The following KRR1 variants were observed in gnomAD, a reference collection of about 807,000 sequenced individuals.
KRR1 encodes the protein KRR1 small subunit processome component, also known as KRR1 small subunit processome component homolog.
Under a neutral mutation model 50.0 loss-of-function variants are expected in KRR1, and 23 were observed. The observed-to-expected ratio is 0.46, with a 90% CI of 0.33 to 0.65. The LOEUF is 0.65. Among genes scored for constraint, KRR1 ranks in the 30% least tolerant of loss-of-function variants. KRR1 has a pLI of 0.02. For synonymous variants in KRR1, 133 were observed against 146.3 expected (o/e 0.91, Z 0.66); for missense variants, 419 against 442.4 (o/e 0.95, Z 0.47).
At chr12:75,504,128 CAG>C in intron 6 of KRR1, 54 bp from the exon 7 acceptor site, 1 of 1,250,580 alleles carries the variant, frequency 8.0e-7, no homozygotes, top group Non-Finnish European at 1.1e-6. Context: ...ACACATTTGT[CAG>C]ACTCAGACAT....
Position 75,491,794 on chromosome 12 carries a change from A to G in KRR1, c.*8015T>C, listed in dbSNP as rs1253070353. The G allele has an allele frequency of 2.6e-5, 4 of 152,076 alleles. No individual in the cohort carries two copies. Among genetic ancestry groups the G allele is most frequent in the African/African-American group, 9.7e-5 (4 of 41,420 alleles). 9.4% of individuals were successfully genotyped at this position (152,076 alleles called of 1,614,324 possible). A position where few individuals can be genotyped will look rare whatever the true frequency, so the allele number is the denominator to read the frequency against. On this transcript the variant is annotated 3_prime_UTR_variant, in exon 10 of 10. Transcript: ENST00000229214. Reference sequence around the variant, plus strand: ...TTTCTACTAGATTTTCTTATTTATAAAAGTTTTTATATTTTAAAGGTTTTT... The same window carrying G: ...TTTCTACTAGATTTTCTTATTTATAGAAGTTTTTATATTTTAAAGGTTTTT...
chr12:75,493,912 T>C lies in KRR1; in HGVS notation c.*5897A>G, dbSNP rs886293705. The stretch of plus-strand genomic sequence containing the variant: ...CATTTTTTACCTTTTCCTTTACAGT[T>C]TGGAATGCACAACTAAGTATCATAA... On this transcript the variant is annotated 3_prime_UTR_variant, in exon 10 of 10. Coordinates refer to ENST00000229214, the MANE Select transcript of KRR1 (RefSeq NM_007043.7). 2.6e-5 allele frequency: 4 copies of C among 152,192 alleles called. No individual in the cohort carries two copies. The highest frequency in any genetic ancestry group is 9.6e-5 in the African/African-American group (4 of 41,454). The allele number at this position is 152,192 out of a possible 1,614,324, so 9.4% of individuals were successfully genotyped here. A position where few individuals can be genotyped will look rare whatever the true frequency, so the allele number is the denominator to read the frequency against.
At position 75,492,575 on chromosome 12, in the gene KRR1, G is replaced by C. The variant is rs546536675; in HGVS notation, c.*7234C>G. 1 of 152,154 alleles carries C rather than the reference G, an allele frequency of 6.6e-6. No homozygotes were observed. The highest frequency in any genetic ancestry group is 1.5e-5 in the Non-Finnish European group (1 of 68,028). 9.4% of individuals were successfully genotyped at this position (152,154 alleles called of 1,614,324 possible). On this transcript the variant is annotated 3_prime_UTR_variant, in exon 10 of 10. Coordinates refer to ENST00000229214, the MANE Select transcript of KRR1 (RefSeq NM_007043.7). ...AATGCTTGGCAATAGTGAATGTTTTGTAAGTATTCATGATTTTTATTCATT... is the reference window on the plus strand; with the variant it reads ...AATGCTTGGCAATAGTGAATGTTTTCTAAGTATTCATGATTTTTATTCATT...
intron 9 of KRR1, chr12:75,501,046 G>A (rs2120594851): frequency 6.6e-6 from 1 of 152,162 alleles, no homozygotes; most frequent in Middle Eastern, 3.4e-3. Flanking sequence ...CAATATTGCT[G>A]GTGAGCCCTC....
intron 2 of KRR1, 74 bp downstream of exon 2, chr12:75,508,200 T>C (rs2120632394): frequency 1.0e-6 from 1 of 1,004,926 alleles, no homozygotes; most frequent in African/African-American, 1.7e-5. Flanking sequence ...AAAAAAAGCA[T>C]TAGCATACAT....
chr12:75,505,143 G>A, intron 6 of KRR1, 55 bp downstream of exon 6: 1 of 1,442,480 alleles, frequency 6.9e-7, no homozygotes, highest in South Asian at 1.3e-5. Flanking sequence ...AAAGGTTTCT[G>A]TAGCTAAAAG....
At chr12:75,506,756 CAA>C (rs1398940824) in intron 3 of KRR1, 24 bp downstream of exon 3, 2 of 1,596,924 alleles carry the variant, frequency 1.3e-6, no homozygotes, top group Non-Finnish European at 1.7e-6. Context: ...GCAAACAAAG[CAA>C]AGTCTCTGTA....
intron 7 of KRR1, chr12:75,503,350 A>T (rs1353854483): frequency 6.6e-6 from 1 of 152,116 alleles, no homozygotes; most frequent in Non-Finnish European, 1.5e-5. Context: ...GCAAGGAAGA[A>T]GTCAAGTTTT....
At position 75,498,370 on chromosome 12, in the gene KRR1, A is replaced by C. The variant is rs2046364570; in HGVS notation, c.*1439T>G. The C allele has an allele frequency of 5.5e-6, 1 of 182,334 alleles. No individual in the cohort carries two copies. Among genetic ancestry groups the C allele is most frequent in the Non-Finnish European group, 1.1e-5 (1 of 89,116 alleles). The allele number at this position is 182,334 out of a possible 1,614,324, so 11.3% of individuals were successfully genotyped here. ...TTATTTTTAGAACTATATTTTAATA[A>C]ATTTCTCACATTCTAATATTTAATT... On this transcript the variant is annotated 3_prime_UTR_variant, in exon 10 of 10. Transcript: ENST00000229214.
intron 2 of KRR1, among the ~76,000 whole-genome samples, chr12:75,507,201 C>T (rs2046426370): frequency 6.6e-6 from 1 of 152,110 alleles, no homozygotes; most frequent in Non-Finnish European, 1.5e-5. Context: ...ATAAATCAAA[C>T]AAATGAGGTC....
rs1208161579 is a variant in KRR1, at chr12:75,497,911, GAAC to G, written c.*1895_*1897del. ...AAATATATATAAAAAAAAATAACTAGAACATCACACTCTTGATTTCATCGACAT... is the reference window on the plus strand; with the variant it reads ...AAATATATATAAAAAAAAATAACTAGATCACACTCTTGATTTCATCGACAT... On this transcript the variant is annotated 3_prime_UTR_variant, in exon 10 of 10. Coordinates refer to ENST00000229214, the MANE Select transcript of KRR1 (RefSeq NM_007043.7). The G allele has an allele frequency of 1.3e-5, 2 of 151,918 alleles. No homozygotes were observed. Among genetic ancestry groups the G allele is most frequent in the African/African-American group, 4.8e-5 (2 of 41,364 alleles). The allele number at this position is 151,918 out of a possible 1,614,324, so 9.4% of individuals were successfully genotyped here. A position where few individuals can be genotyped will look rare whatever the true frequency, so the allele number is the denominator to read the frequency against.
rs772043406 is a variant in KRR1, at chr12:75,506,890, G to A, written c.285C>T (p.Ile95=). 1.1e-5 allele frequency: 17 copies of A among 1,612,092 alleles called. No individual in the cohort carries two copies. The highest frequency in any genetic ancestry group is 1.6e-4 in the Middle Eastern group (1 of 6,072). The change falls in exon 3 of 10, where the codon ATC becomes ATT. Residue 95 remains isoleucine (I), a synonymous_variant. Transcript: ENST00000229214. The part of the protein sequence containing the change: ...EHHVNATLDL[I]EGSMTVCTTK... ...TAGTACAAACAGTCATGCTGCCTTCGATCAGGTCCAGGGTTGCATTAACAT... is the reference window on the plus strand; with the variant it reads ...TAGTACAAACAGTCATGCTGCCTTCAATCAGGTCCAGGGTTGCATTAACAT...
At position 75,498,662 on chromosome 12, in the gene KRR1, ATTT is replaced by A. The variant is rs569157020; in HGVS notation, c.*1144_*1146del. 2 of 1,585,710 alleles carry A rather than the reference ATTT, an allele frequency of 1.3e-6. No homozygotes were observed. The highest frequency in any genetic ancestry group is 3.3e-5 in the Admixed American group (2 of 59,834). On this transcript the variant is annotated 3_prime_UTR_variant, in exon 10 of 10. Transcript: ENST00000229214. ...ACTCTCAACTGTGTCTACCCTTTTA[ATTT>A]TTTTTCTTTCTTCCCCCTAACTTTA...
Position 75,498,576 on chromosome 12 carries a change from C to A in KRR1, c.*1233G>T. The A allele has an allele frequency of 1.3e-6, 1 of 743,222 alleles. No homozygotes were observed. Among genetic ancestry groups the A allele is most frequent in the Admixed American group, 2.5e-5 (1 of 39,438 alleles). 46.0% of individuals were successfully genotyped at this position (743,222 alleles called of 1,614,324 possible). The stretch of plus-strand genomic sequence containing the variant: ...TTGAATAATTAAACTTGGAAAGTCA[C>A]TGCAATAAAGCCAAAGCAAGTTAAT... On this transcript the variant is annotated 3_prime_UTR_variant, in exon 10 of 10. Transcript: ENST00000229214.
chr12:75,499,429 C>CTTAA lies in KRR1; in HGVS notation c.*376_*379dup, dbSNP rs775574306. ...AACTAGGGGATCTGATTTTAGAGGC[C>CTTAA]TTAATTTTCTGTTCATGGACTGTTA... On this transcript the variant is annotated 3_prime_UTR_variant, in exon 10 of 10. Transcript: ENST00000229214. 26 of 160,258 alleles carry CTTAA rather than the reference C, an allele frequency of 1.6e-4. No homozygotes were observed. Among genetic ancestry groups the CTTAA allele is most frequent in the Non-Finnish European group, 3.0e-4 (22 of 74,156 alleles). 9.9% of individuals were successfully genotyped at this position (160,258 alleles called of 1,614,324 possible). A position where few individuals can be genotyped will look rare whatever the true frequency, so the allele number is the denominator to read the frequency against.
rs183005073 is a variant in KRR1, at chr12:75,503,613, G to C, written c.831+291C>G. The C allele has an allele frequency of 4.7e-4, 105 of 222,024 alleles. 2 individuals are homozygous for C. In the East Asian group the frequency reaches 9.1e-3, roughly 19 times the overall value. The allele number at this position is 222,024 out of a possible 1,614,324, so 13.8% of individuals were successfully genotyped here. ...AATAATGTTGCCAAATCAGAGAAAAGAGTATTGCAGACTAAACGAACTTTT... is the reference window on the plus strand; with the variant it reads ...AATAATGTTGCCAAATCAGAGAAAACAGTATTGCAGACTAAACGAACTTTT... On this transcript the variant is annotated intron_variant, in intron 7 of 9. Transcript: ENST00000229214.
chr12:75,508,447 C>A lies in KRR1; in HGVS notation c.86-1G>T, dbSNP rs765534184. The A allele has an allele frequency of 4.4e-6, 7 of 1,586,122 alleles. No individual in the cohort carries two copies. In the Admixed American group the frequency reaches 1.3e-4, roughly 30 times the overall value. ...GGAACCGTAAGGAGTTCTGATTCAT[C>A]TACAGAAAGGAAAAAATTTACACAT... On this transcript the variant is annotated splice_acceptor_variant, in intron 1 of 9. Coordinates refer to ENST00000229214, the MANE Select transcript of KRR1 (RefSeq NM_007043.7). LOFTEE classifies it high-confidence loss of function.
At position 75,510,679 on chromosome 12, in the gene KRR1, G is replaced by A. The variant is rs543405453; in HGVS notation, c.85+834C>T. 3.3e-4 allele frequency among the ~76,000 whole-genome samples: 50 copies of A among 152,298 alleles called. 1 individual carries two copies. The South Asian group carries it at 8.9e-3, about 27-fold the overall frequency. Reference sequence around the variant, plus strand: ...TATGATCTGAGAGGTGCACGTAAGGGTTTGAGGGGTATGGTAATGCTCTAT... The same window carrying A: ...TATGATCTGAGAGGTGCACGTAAGGATTTGAGGGGTATGGTAATGCTCTAT... On this transcript the variant is annotated intron_variant, in intron 1 of 9. Transcript: ENST00000229214.
rs1160571416 is a variant in KRR1 at position 75,493,648 on chromosome 12, A to G, written c.*6161T>C. ...CCCATATTTATCTTTTTCTTTAAAG[A>G]TTTGTCTTCGGTCTTCCCCTGGGTC... On this transcript the variant is annotated 3_prime_UTR_variant, in exon 10 of 10. Coordinates refer to ENST00000229214, the MANE Select transcript of KRR1 (RefSeq NM_007043.7). The G allele has an allele frequency of 6.6e-6, 1 of 152,144 alleles. No homozygotes were observed. The highest frequency in any genetic ancestry group is 1.9e-4 in the East Asian group (1 of 5,196). The allele number at this position is 152,144 out of a possible 1,614,324, so 9.4% of individuals were successfully genotyped here. A position where few individuals can be genotyped will look rare whatever the true frequency, so the allele number is the denominator to read the frequency against.
Sources: allele counts gnomAD v4.1 joint callset (sites outside exome capture counted in the v4.1 genomes callset), GRCh38; gene constraint gnomAD v4.1.1; transcripts MANE v1.5; gene names NCBI Gene and HGNC (gene_info 2026-07-23, HGNC 2026-07-21).